MRPS6: variants seen among roughly 807,000 people sequenced by gnomAD.
MRPS6 encodes the protein mitochondrial ribosomal protein S6.
A neutral mutation model predicts 13.1 loss-of-function variants in MRPS6; 6 were observed. The ratio of observed to expected loss-of-function variants is 0.46; its 90% confidence interval spans 0.25 to 0.91. The LOEUF is 0.91. Among genes scored for constraint, MRPS6 ranks in the 40% least tolerant of loss-of-function variants. MRPS6 has a pLI of 0.18. For synonymous variants in MRPS6, 61 were observed against 56.5 expected (o/e 1.08, Z -0.36); for missense variants, 164 against 155.6 (o/e 1.05, Z -0.29).
intron 2 of MRPS6, among the ~76,000 whole-genome samples, chr21:34,140,135 CCT>C (rs1331308801): frequency 2.0e-5 from 3 of 150,790 alleles, no homozygotes; most frequent in Non-Finnish European, 1.5e-5. Context: ...GGGGATTTCT[CCT>C]CTCTCTCTCT....
At chr21:34,135,360 T>TG (rs1432538223) in intron 2 of MRPS6, 1 of 167,054 alleles carries the variant, frequency 6.0e-6, no homozygotes, top group Non-Finnish European at 1.3e-5. Context: ...TTTTTTTTTT[T>TG]TTTTTTTTTT....
rs1207288548 is a variant in MRPS6, at chr21:34,120,615, A to G, written c.46-4726A>G. On this transcript the variant is annotated intron_variant, in intron 1 of 2. Transcript: ENST00000399312. ...TAATTACCTTTTTTATAAGTATTAT[A>G]CTATTTCGTTAAATTTTTGGATAGT... 2.0e-5 allele frequency among the ~76,000 whole-genome samples: 3 copies of G among 152,164 alleles called. No individual in the cohort carries two copies. The East Asian group carries it at 5.8e-4, about 29-fold the overall frequency.
At chr21:34,098,604 G>C in intron 1 of MRPS6, 1 of 1,000,300 alleles carries the variant, frequency 1.0e-6, no homozygotes, top group Non-Finnish European at 1.2e-6. Flanking sequence ...TTGTTAGGTT[G>C]TCAATATAGT....
intron 2 of MRPS6, among the ~76,000 whole-genome samples, chr21:34,130,430 G>A (rs776441249): frequency 2.6e-5 from 4 of 152,146 alleles, no homozygotes; most frequent in Admixed American, 1.3e-4. Context: ...CAGGGGAGGG[G>A]CAGAAGGGAC....
intron 1 of MRPS6, among the ~76,000 whole-genome samples, chr21:34,078,666 C>T (rs1989389444): frequency 6.6e-6 from 1 of 152,106 alleles, no homozygotes; most frequent in Non-Finnish European, 1.5e-5. Flanking sequence ...TATTTTTCAT[C>T]TAGTGCCTTT....
chr21:34,106,687 C>G (rs966999909), intron 1 of MRPS6, among the ~76,000 whole-genome samples: 7 of 152,126 alleles, frequency 4.6e-5, no homozygotes, highest in African/African-American at 1.7e-4. Context: ...ACATTGTTCC[C>G]CTTTACTCCC....
chr21:34,082,057 T>G (rs1264810348), intron 1 of MRPS6, among the ~76,000 whole-genome samples: 1 of 105,602 alleles, frequency 9.5e-6, no homozygotes, highest in Non-Finnish European at 1.7e-5. Context: ...GAAATCTGGT[T>G]TTTTTTTTTT....
chr21:34,090,464 G>A (rs996644189), intron 1 of MRPS6, among the ~76,000 whole-genome samples: 1 of 152,178 alleles, frequency 6.6e-6, no homozygotes, highest in African/African-American at 2.4e-5. Flanking sequence ...ATTTAAGTAG[G>A]AGCTAATAGT....
intron 1 of MRPS6, among the ~76,000 whole-genome samples, chr21:34,076,715 A>G (rs1462327348): frequency 1.3e-5 from 2 of 152,218 alleles, no homozygotes; most frequent in African/African-American, 4.8e-5. Flanking sequence ...CTGAAATATG[A>G]CGGTAAAGTA....
At chr21:34,132,399 G>C (rs2123265985) in intron 2 of MRPS6, among the ~76,000 whole-genome samples, 1 of 152,366 alleles carries the variant, frequency 6.6e-6, no homozygotes, top group African/African-American at 2.4e-5. Flanking sequence ...TGAGATGCCA[G>C]TCACCAGCTG....
chr21:34,110,775 C>G (rs1979665483), intron 1 of MRPS6, among the ~76,000 whole-genome samples: 1 of 152,150 alleles, frequency 6.6e-6, no homozygotes, highest in Non-Finnish European at 1.5e-5. Context: ...ATGTGTGTTT[C>G]TGTTTAAAGA....
chr21:34,097,348 C>T (rs1569417271), intron 1 of MRPS6: 2 of 1,598,628 alleles, frequency 1.3e-6, no homozygotes, highest in South Asian at 1.1e-5. Context: ...GTTTATTTCT[C>T]CTTATGAACT....
intron 1 of MRPS6, chr21:34,095,681 T>C (rs150670040): frequency 5.0e-6 from 8 of 1,613,788 alleles, no homozygotes; most frequent in African/African-American, 1.3e-5. Context: ...TTTATGTGTC[T>C]GTCATCCTGC....
At chr21:34,130,508 C>CAGTATTGGGGCACAGTCTGTCTT (rs1980465785) in intron 2 of MRPS6, among the ~76,000 whole-genome samples, 1 of 151,976 alleles carries the variant, frequency 6.6e-6, no homozygotes, top group African/African-American at 2.4e-5. Context: ...CATTGTTTTC[C>CAGTATTGGGGCACAGTCTGTCTT]AGTATTGGGG....
chr21:34,109,577 T>C (rs922858597), intron 1 of MRPS6, among the ~76,000 whole-genome samples: 4 of 152,200 alleles, frequency 2.6e-5, no homozygotes, highest in African/African-American at 9.7e-5. Context: ...CTCTTTTTTA[T>C]CTGCCGCAGA....
chr21:34,131,087 A>G (rs2123264039), intron 2 of MRPS6, among the ~76,000 whole-genome samples: 1 of 152,342 alleles, frequency 6.6e-6, no homozygotes, highest in South Asian at 2.1e-4. Context: ...TTTTCCCAAA[A>G]TGAGCTGTGT....
chr21:34,128,970 G>C (rs1980405129), intron 2 of MRPS6, among the ~76,000 whole-genome samples: 1 of 152,150 alleles, frequency 6.6e-6, no homozygotes, highest in Non-Finnish European at 1.5e-5. Flanking sequence ...CCCAGCTCTG[G>C]ATTTGCTGGG....
chr21:34,097,557 C>G (rs1979024489), intron 1 of MRPS6: 2 of 1,353,056 alleles, frequency 1.5e-6, no homozygotes, highest in East Asian at 2.9e-5. Context: ...TGAAGCCAAA[C>G]CTAACAGACT....
At chr21:34,083,804 T>C (rs898294721) in intron 1 of MRPS6, among the ~76,000 whole-genome samples, 1 of 152,204 alleles carries the variant, frequency 6.6e-6, no homozygotes, top group African/African-American at 2.4e-5. Flanking sequence ...ATTTTGTGTG[T>C]GTAAGAAGAT....
Sources: gnomAD v4.1 joint callset for allele counts (sites outside exome capture counted in the v4.1 genomes callset) on GRCh38, gnomAD v4.1.1 for gene constraint, MANE v1.5 for transcripts, NCBI Gene and HGNC (gene_info 2026-07-23, HGNC 2026-07-21) for gene names.